Variants in DACH2 observed in about 807,000 individuals in gnomAD.
DACH2 encodes dachshund family transcription factor 2, also known as dachshund homolog 2.
A neutral mutation model predicts 35.8 loss-of-function variants in DACH2; 17 were observed. The observed-to-expected ratio is 0.48, with a 90% confidence interval of 0.33 to 0.71. DACH2 has a LOEUF of 0.71. Ranked by LOEUF, DACH2 falls within the 30% of genes least tolerant of loss-of-function variation. DACH2 has a pLI of 0.02. For missense variants in DACH2, 469 were observed against 472.7 expected (o/e 0.99, Z 0.07); for synonymous variants, 195 against 177.3 (o/e 1.10, Z -0.79).
chrX:86,815,638 TAA>T (rs2042442137), intron 10 of DACH2, among the ~76,000 whole-genome samples: 1 of 105,182 alleles, frequency 9.5e-6, no homozygotes, highest in Non-Finnish European at 1.9e-5. Flanking sequence ...CACATATATA[TAA>T]ATATGTGTAT....
chrX:86,793,726 A>T (rs1351839514), intron 7 of DACH2, among the ~76,000 whole-genome samples: 1 of 112,507 alleles, frequency 8.9e-6, no homozygotes, highest in Non-Finnish European at 1.9e-5. Context: ...TTCAAAACTT[A>T]CACAAACACG....
intron 4 of DACH2, among the ~76,000 whole-genome samples, chrX:86,681,672 T>A (rs2040884011): frequency 1.4e-5 from 1 of 71,790 alleles, no homozygotes; most frequent in African/African-American, 5.8e-5. Flanking sequence ...TATATAATTA[T>A]ATATATATAG....
At chrX:86,507,989 G>A (rs2038348936) in intron 2 of DACH2, among the ~76,000 whole-genome samples, 2 of 111,474 alleles carry the variant, frequency 1.8e-5, no homozygotes, top group African/African-American at 3.3e-5. Flanking sequence ...GACAAGGAGA[G>A]AAGTTTGTAG....
intron 2 of DACH2, among the ~76,000 whole-genome samples, chrX:86,403,955 G>A (rs2036479177): frequency 9.1e-6 from 1 of 110,106 alleles, no homozygotes; most frequent in Non-Finnish European, 1.9e-5. Flanking sequence ...GCAGCAAGGA[G>A]AAGTGCAGAG....
At position 86,713,819 on chromosome X, in the gene DACH2, A is replaced by G. The variant is rs145430544; in HGVS notation, c.932-729A>G. Among the ~76,000 whole-genome samples the G allele has an allele frequency of 5.2e-3, 585 of 111,939 alleles. 2 individuals carry two copies. Among genetic ancestry groups the G allele is most frequent in the Non-Finnish European group, 8.8e-3 (468 of 53,156 alleles). ...TGTGGCTGCCAGAAGTTGAATGTGGATAATAATTGAGATATATTCTTTCAG... is the reference window on the plus strand; with the variant it reads ...TGTGGCTGCCAGAAGTTGAATGTGGGTAATAATTGAGATATATTCTTTCAG... On this transcript the variant is annotated intron_variant, in intron 5 of 11. Coordinates refer to ENST00000373125, the MANE Select transcript of DACH2 (RefSeq NM_053281.3).
chrX:86,496,783 G>A (rs1160066326), intron 2 of DACH2, among the ~76,000 whole-genome samples: 1 of 110,492 alleles, frequency 9.1e-6, no homozygotes, highest in Non-Finnish European at 1.9e-5. Flanking sequence ...TGGCTTGAAA[G>A]AGCTAGGAAA....
At chrX:86,332,942 T>C (rs2035238804) in intron 1 of DACH2, among the ~76,000 whole-genome samples, 3 of 112,176 alleles carry the variant, frequency 2.7e-5, no homozygotes, top group African/African-American at 9.7e-5. Flanking sequence ...TGCTATCATT[T>C]TAATCAAGCT....
At chrX:86,590,362 A>C (rs182832804) in intron 3 of DACH2, among the ~76,000 whole-genome samples, 200 of 111,906 alleles carry the variant, frequency 1.8e-3, no homozygotes, top group African/African-American at 6.2e-3. Context: ...TTTTCAAAGG[A>C]ACAATGAAAT....
chrX:86,292,421 T>G (rs1455627884), intron 1 of DACH2, among the ~76,000 whole-genome samples: 1 of 101,998 alleles, frequency 9.8e-6, no homozygotes, highest in African/African-American at 3.6e-5. Context: ...GTGTCTCTAT[T>G]TCCTTCAGTT....
At chrX:86,618,815 T>G (rs1021441945) in intron 3 of DACH2, among the ~76,000 whole-genome samples, 3 of 111,948 alleles carry the variant, frequency 2.7e-5, no homozygotes, top group Non-Finnish European at 3.8e-5. Context: ...TACTTAAAAA[T>G]GCACTCAGTT....
chrX:86,779,836 C>G (rs935139105), intron 7 of DACH2, among the ~76,000 whole-genome samples: 7 of 112,030 alleles, frequency 6.2e-5, no homozygotes, highest in African/African-American at 2.3e-4. Flanking sequence ...ATTGCTAGTA[C>G]CAATATGGAA....
At chrX:86,545,710 G>A (rs1414061322) in intron 3 of DACH2, among the ~76,000 whole-genome samples, 17 of 111,530 alleles carry the variant, frequency 1.5e-4, no homozygotes, top group African/African-American at 5.2e-4. Flanking sequence ...GTTTCATAAT[G>A]TTACTATTTT....
chrX:86,791,500 C>T (rs951483148), intron 7 of DACH2, among the ~76,000 whole-genome samples: 3 of 111,466 alleles, frequency 2.7e-5, no homozygotes, highest in Non-Finnish European at 3.8e-5. Flanking sequence ...CCACTTCAAC[C>T]ACATTCAACA....
At chrX:86,777,274 C>G (rs1448432466) in intron 7 of DACH2, among the ~76,000 whole-genome samples, 1 of 110,607 alleles carries the variant, frequency 9.0e-6, no homozygotes, top group African/African-American at 3.3e-5. Flanking sequence ...TTAATGATCG[C>G]CATTCTAACT....
At chrX:86,303,598 C>G in intron 1 of DACH2, among the ~76,000 whole-genome samples, 1 of 110,644 alleles carries the variant, frequency 9.0e-6, no homozygotes, top group South Asian at 3.9e-4. Context: ...CACCAGATGA[C>G]TTTTAATATT....
chrX:86,343,129 G>T (rs756973413), intron 1 of DACH2, among the ~76,000 whole-genome samples: 1 of 111,768 alleles, frequency 8.9e-6, no homozygotes, highest in African/African-American at 3.2e-5. Flanking sequence ...GGCTTTATTA[G>T]GATGGTCTTG....
At chrX:86,607,479 T>G (rs2148364506) in intron 3 of DACH2, among the ~76,000 whole-genome samples, 1 of 111,813 alleles carries the variant, frequency 8.9e-6, no homozygotes, top group South Asian at 3.7e-4. Flanking sequence ...AAATAGAAAC[T>G]AATAAAACTC....
intron 4 of DACH2, among the ~76,000 whole-genome samples, chrX:86,664,349 G>A: frequency 9.0e-6 from 1 of 111,387 alleles, no homozygotes. Context: ...TTTGAGTGTA[G>A]AACTTCTTTT....
At chrX:86,436,473 A>T (rs1230956723) in intron 2 of DACH2, among the ~76,000 whole-genome samples, 1 of 110,906 alleles carries the variant, frequency 9.0e-6, no homozygotes, top group Non-Finnish European at 1.9e-5. Flanking sequence ...GGACTGTGTT[A>T]ACTGGTTTTC....
Sources: allele counts gnomAD v4.1 joint callset (sites outside exome capture counted in the v4.1 genomes callset), GRCh38; gene constraint gnomAD v4.1.1; transcripts MANE v1.5; gene names NCBI Gene and HGNC (gene_info 2026-07-23, HGNC 2026-07-21).